The following OTUD7A variants were observed in gnomAD, a reference collection of about 807,000 sequenced individuals.
The protein encoded by OTUD7A is OTU domain-containing protein 7A.
Under a neutral mutation model 65.7 loss-of-function variants are expected in OTUD7A, and 12 were observed. That is an observed-to-expected ratio of 0.18 (90% CI 0.12 to 0.30). OTUD7A has a LOEUF of 0.30. Among genes scored for constraint, OTUD7A ranks in the 10% least tolerant of loss-of-function variants. The pLI is 1.00. For missense variants in OTUD7A, 1,148 were observed against 1,304.8 expected, an observed-to-expected ratio of 0.88 and a Z score of 1.85; for synonymous variants, 641 against 586.3, an observed-to-expected ratio of 1.09 and a Z score of -1.35.
At chr15:31,793,048 C>G (rs1053633487) in intron 1 of OTUD7A, among the ~76,000 whole-genome samples, 3 of 152,122 alleles carry the variant, frequency 2.0e-5, no homozygotes, top group African/African-American at 7.2e-5. Flanking sequence ...GGAAATGAGC[C>G]CCAAACTGAT....
At chr15:31,626,480 T>G (rs1330973564) in intron 3 of OTUD7A, among the ~76,000 whole-genome samples, 1 of 152,154 alleles carries the variant, frequency 6.6e-6, no homozygotes, top group Admixed American at 6.5e-5. Flanking sequence ...GGGAAAATAT[T>G]TGAGAGTGGT....
intron 8 of OTUD7A, 31 bp from the exon 9 acceptor site, chr15:31,503,849 T>G: frequency 6.2e-7 from 1 of 1,613,316 alleles, no homozygotes; most frequent in Non-Finnish European, 8.5e-7. Flanking sequence ...AGCTGGTCAC[T>G]GACTAAAACA....
At chr15:31,552,931 C>A (rs746351494) in intron 5 of OTUD7A, among the ~76,000 whole-genome samples, 7 of 152,112 alleles carry the variant, frequency 4.6e-5, no homozygotes, top group African/African-American at 1.7e-4. Flanking sequence ...GGAAGCCTCA[C>A]GAGATGGAAG....
In OTUD7A at chr15:31,781,620, CACT is replaced by C. The variant is rs569060272; in HGVS notation, c.-100+88884_-100+88886del. On this transcript the variant is annotated intron_variant, in intron 1 of 12. Coordinates refer to ENST00000307050, the MANE Select transcript of OTUD7A (RefSeq NM_001382637.1). ...ACCTCTCCTTAAATTCCGTCAGTCA[CACT>C]TCTTCTGACTGTTCACCTGGCATCC... is the stretch of plus-strand genomic sequence containing the variant. Among the ~76,000 whole-genome samples the C allele has an allele frequency of 6.8e-4, 103 of 152,340 alleles. 1 individual carries two copies. In the South Asian group the frequency reaches 0.021, roughly 31 times the overall value.
At chr15:31,505,656 G>C (rs560442586) in intron 8 of OTUD7A, among the ~76,000 whole-genome samples, 1 of 152,090 alleles carries the variant, frequency 6.6e-6, no homozygotes, top group East Asian at 1.9e-4. Flanking sequence ...GAGTGGTAGA[G>C]ATAAGTTTTT....
intron 1 of OTUD7A, among the ~76,000 whole-genome samples, chr15:31,727,426 T>TC (rs1555411283): frequency 6.6e-5 from 10 of 151,326 alleles, no homozygotes; most frequent in Admixed American, 2.0e-4. Flanking sequence ...CTCCTTTTTT[T>TC]CCCCACTGCT....
At chr15:31,622,232 A>G (rs1279187058) in intron 3 of OTUD7A, among the ~76,000 whole-genome samples, 1 of 152,088 alleles carries the variant, frequency 6.6e-6, no homozygotes, top group African/African-American at 2.4e-5. Flanking sequence ...GAATCTGACA[A>G]TTATGTGTCT....
chr15:31,696,860 A>C (rs1453159061), intron 1 of OTUD7A, among the ~76,000 whole-genome samples: 4 of 150,052 alleles, frequency 2.7e-5, no homozygotes, highest in Non-Finnish European at 5.9e-5. Context: ...GGGGAGTCCA[A>C]GCATCTTGTT....
At chr15:31,572,525 A>G (rs567430776) in intron 3 of OTUD7A, among the ~76,000 whole-genome samples, 39 of 152,214 alleles carry the variant, frequency 2.6e-4, no homozygotes, top group Non-Finnish European at 4.4e-4. Context: ...TTATGCCTTA[A>G]ACTCCTAAAT....
chr15:31,541,737 T>A (rs1261826262), intron 5 of OTUD7A, among the ~76,000 whole-genome samples: 1 of 152,118 alleles, frequency 6.6e-6, no homozygotes, highest in Non-Finnish European at 1.5e-5. Flanking sequence ...TTTAATCACT[T>A]CATAAGAACT....
intron 8 of OTUD7A, among the ~76,000 whole-genome samples, chr15:31,506,738 A>G (rs768171093): frequency 9.9e-5 from 15 of 152,176 alleles, no homozygotes; most frequent in Non-Finnish European, 2.1e-4. Context: ...TTTTCTTGCC[A>G]TGAGAGGCAC....
At chr15:31,799,758 A>T (rs937599327) in intron 1 of OTUD7A, among the ~76,000 whole-genome samples, 1 of 152,142 alleles carries the variant, frequency 6.6e-6, no homozygotes, top group Non-Finnish European at 1.5e-5. Flanking sequence ...TTACTAAGAC[A>T]GGCTGGAATC....
intron 10 of OTUD7A, among the ~76,000 whole-genome samples, chr15:31,493,556 C>G (rs2041346438): frequency 6.6e-6 from 1 of 152,216 alleles, no homozygotes; most frequent in South Asian, 2.1e-4. Context: ...TAGAACCTAA[C>G]AAGAGCAGAG....
chr15:31,490,416 T>A lies in OTUD7A; in HGVS notation c.1172-2850A>T, dbSNP rs188086774. ...AAAAAAAAATCAAGATTTCTGGTTT[T>A]TGTCTCCGATGTGAAAAGCTGGAAG... On this transcript the variant is annotated intron_variant, in intron 10 of 12. Coordinates refer to ENST00000307050, the MANE Select transcript of OTUD7A (RefSeq NM_001382637.1). Among the ~76,000 whole-genome samples the A allele has an allele frequency of 2.9e-3, 435 of 152,372 alleles. 4 individuals carry two copies. The highest frequency in any genetic ancestry group is 0.01 in the African/African-American group (417 of 41,592).
At chr15:31,656,072 T>G (rs946698234) in intron 2 of OTUD7A, among the ~76,000 whole-genome samples, 1 of 152,212 alleles carries the variant, frequency 6.6e-6, no homozygotes, top group African/African-American at 2.4e-5. Context: ...CTATCTACCA[T>G]CCCTCTAAGA....
At chr15:31,598,406 A>T (rs1394711045) in intron 3 of OTUD7A, among the ~76,000 whole-genome samples, 1 of 152,022 alleles carries the variant, frequency 6.6e-6, no homozygotes, top group Non-Finnish European at 1.5e-5. Flanking sequence ...GGGGTCGGGG[A>T]ATTCTCTCCC....
Position 31,487,088 on chromosome 15 carries a change from G to C in OTUD7A, c.1371+106C>G. 8.7e-7 allele frequency: 1 copy of C among 1,145,048 alleles called. No homozygotes were observed. Among genetic ancestry groups the C allele is most frequent in the Non-Finnish European group, 1.3e-6 (1 of 797,332 alleles). 70.9% of individuals were successfully genotyped at this position (1,145,048 alleles called of 1,614,324 possible). A position where few individuals can be genotyped will look rare whatever the true frequency, so the allele number is the denominator to read the frequency against. On this transcript the variant is annotated intron_variant, in intron 12 of 12. Coordinates refer to ENST00000307050, the MANE Select transcript of OTUD7A (RefSeq NM_001382637.1). This position sits in a 1 kb window ranked among gnomAD's most constrained non-coding sequence, Gnocchi z 6.0. The stretch of plus-strand genomic sequence containing the variant: ...TGGCTGGGGTGGGCGGCCGGGCAGG[G>C]GCAGGCAAGAGTGTGGGAGCATTTG...
At chr15:31,555,850 CT>C (rs371140342) in intron 5 of OTUD7A, 25,191 of 95,220 alleles carry the variant, frequency 0.26, 2,703 homozygotes, top group Middle Eastern at 0.38. Flanking sequence ...TGTTCTTTTT[CT>C]TTTTTTTTTT....
intron 1 of OTUD7A, among the ~76,000 whole-genome samples, chr15:31,829,661 G>A (rs909461743): frequency 6.6e-6 from 1 of 152,150 alleles, no homozygotes; most frequent in East Asian, 1.9e-4. Flanking sequence ...CCCTCTTGGG[G>A]ACCTCCCCCT....
Sources: gnomAD v4.1 joint callset for allele counts (sites outside exome capture counted in the v4.1 genomes callset) on GRCh38, gnomAD v4.1.1 for gene constraint, Gnocchi (gnomAD v3.1) non-coding constraint, MANE v1.5 for transcripts, NCBI Gene and HGNC (gene_info 2026-07-23, HGNC 2026-07-21) for gene names.